Variants in PPP1R9A observed in about 807,000 individuals in gnomAD.
PPP1R9A encodes protein phosphatase 1 regulatory subunit 9A, also known as neurabin-1.
A neutral mutation model predicts 141.9 loss-of-function variants in PPP1R9A; 59 were observed. That is an observed-to-expected ratio of 0.42 (90% CI 0.34 to 0.52). The LOEUF (loss-of-function observed/expected upper bound fraction) is 0.52. PPP1R9A is among the 20% of genes least tolerant of loss of function. The probability of loss-of-function intolerance (pLI) is 0.10; values close to 1 mark genes in which losing one functional copy is unlikely to be tolerated. For missense variants in PPP1R9A, 1,444 were observed against 1,611.9 expected, an observed-to-expected ratio of 0.90 and a Z score of 1.78; for synonymous variants, 500 against 569.7, an observed-to-expected ratio of 0.88 and a Z score of 1.74.
chr7:95,123,660 A>G (rs1823034630), intron 4 of PPP1R9A, among the ~76,000 whole-genome samples: 1 of 152,120 alleles, frequency 6.6e-6, no homozygotes, highest in South Asian at 2.1e-4. Context: ...AAAACAAAAA[A>G]CAAAAAAAAA....
intron 2 of PPP1R9A, among the ~76,000 whole-genome samples, chr7:95,052,408 G>A (rs574011891): frequency 6.6e-6 from 1 of 152,282 alleles, no homozygotes; most frequent in South Asian, 2.1e-4. Flanking sequence ...TAGTTAGAAG[G>A]TGGCAGGAAT....
At chr7:95,225,133 G>A (rs1794965918) in intron 7 of PPP1R9A, among the ~76,000 whole-genome samples, 1 of 151,962 alleles carries the variant, frequency 6.6e-6, no homozygotes, top group Admixed American at 6.6e-5. Flanking sequence ...GGGACAGGTG[G>A]GTATTACAAA....
intron 7 of PPP1R9A, among the ~76,000 whole-genome samples, chr7:95,223,569 C>T (rs1794742634): frequency 6.6e-6 from 1 of 151,996 alleles, no homozygotes; most frequent in Non-Finnish European, 1.5e-5. Context: ...TGTCAGGTCC[C>T]ATCCTAGGCA....
chr7:94,912,685 G>T (rs1791599565), intron 2 of PPP1R9A, among the ~76,000 whole-genome samples: 1 of 152,060 alleles, frequency 6.6e-6, no homozygotes, highest in East Asian at 1.9e-4. Flanking sequence ...ATACTATTCT[G>T]AAATAAAGTA....
intron 12 of PPP1R9A, among the ~76,000 whole-genome samples, chr7:95,256,226 T>C (rs1352782566): frequency 6.7e-6 from 1 of 149,892 alleles, no homozygotes; most frequent in Non-Finnish European, 1.5e-5. Flanking sequence ...AGCTATTAAA[T>C]ATCCTGTTAA....
At chr7:95,164,788 A>G (rs1291294300) in intron 5 of PPP1R9A, among the ~76,000 whole-genome samples, 3 of 74,286 alleles carry the variant, frequency 4.0e-5, no homozygotes, top group African/African-American at 5.5e-5. Flanking sequence ...TAACTGTTCC[A>G]TGCTTTATTC....
At chr7:95,190,005 C>CT (rs539203693) in intron 5 of PPP1R9A, among the ~76,000 whole-genome samples, 82 of 152,244 alleles carry the variant, frequency 5.4e-4, no homozygotes, top group African/African-American at 1.8e-3. Context: ...CTGGTATCTA[C>CT]TTGAGTAGTT....
At chr7:95,005,709 G>A (rs1803498353) in intron 2 of PPP1R9A, among the ~76,000 whole-genome samples, 2 of 152,138 alleles carry the variant, frequency 1.3e-5, no homozygotes, top group African/African-American at 4.8e-5. Flanking sequence ...TGCCAAGAAA[G>A]TTAATAAAGC....
intron 2 of PPP1R9A, among the ~76,000 whole-genome samples, chr7:94,962,009 TTAG>T (rs1458945835): frequency 2.0e-5 from 3 of 151,946 alleles, no homozygotes; most frequent in Non-Finnish European, 4.4e-5. Flanking sequence ...GATAGAAACT[TTAG>T]AGTCAAATGA....
intron 9 of PPP1R9A, among the ~76,000 whole-genome samples, chr7:95,248,277 C>T (rs1798416294): frequency 6.6e-6 from 1 of 150,404 alleles, no homozygotes; most frequent in Non-Finnish European, 1.5e-5. Context: ...CTCCCCCGCC[C>T]CCAATCACCA....
At chr7:95,186,055 T>C (rs1834602247) in intron 5 of PPP1R9A, among the ~76,000 whole-genome samples, 1 of 152,056 alleles carries the variant, frequency 6.6e-6, no homozygotes, top group African/African-American at 2.4e-5. Flanking sequence ...TTTCTAGTTC[T>C]GTGAAGAATG....
chr7:95,101,001 C>A (rs1292172195), intron 2 of PPP1R9A, among the ~76,000 whole-genome samples: 1 of 150,870 alleles, frequency 6.6e-6, no homozygotes, highest in Non-Finnish European at 1.5e-5. Context: ...TACAGGCGCC[C>A]GCTACCACGC....
chr7:95,227,217 C>T (rs1795262024), intron 8 of PPP1R9A, among the ~76,000 whole-genome samples: 1 of 152,152 alleles, frequency 6.6e-6, no homozygotes, highest in African/African-American at 2.4e-5. Flanking sequence ...CACAACCCAA[C>T]TTTAACAAAT....
At chr7:95,199,716 A>G (rs1281372488) in intron 6 of PPP1R9A, among the ~76,000 whole-genome samples, 2 of 152,236 alleles carry the variant, frequency 1.3e-5, no homozygotes, top group Non-Finnish European at 2.9e-5. Flanking sequence ...AATGGCAAGT[A>G]TATTTTCATT....
At chr7:95,083,294 C>T (rs1816177437) in intron 2 of PPP1R9A, among the ~76,000 whole-genome samples, 1 of 151,862 alleles carries the variant, frequency 6.6e-6, no homozygotes, top group African/African-American at 2.4e-5. Flanking sequence ...TTGGCAATGT[C>T]TGTTTTTTCA....
At chr7:95,014,267 A>G (rs992976606) in intron 2 of PPP1R9A, among the ~76,000 whole-genome samples, 2 of 152,062 alleles carry the variant, frequency 1.3e-5, no homozygotes, top group African/African-American at 2.4e-5. Context: ...TTACATTTAG[A>G]CATCATGTCT....
intron 2 of PPP1R9A, among the ~76,000 whole-genome samples, chr7:95,092,467 G>T (rs13247434): frequency 3.6e-3 from 546 of 152,088 alleles, no homozygotes; most frequent in Middle Eastern, 0.014. Flanking sequence ...CAGCAGGGTG[G>T]ACCAGACAGT....
At chr7:95,028,747 A>G (rs1001184370) in intron 2 of PPP1R9A, among the ~76,000 whole-genome samples, 2 of 152,182 alleles carry the variant, frequency 1.3e-5, no homozygotes, top group African/African-American at 4.8e-5. Context: ...AATACATACA[A>G]ACAAATTCCA....
In PPP1R9A at chr7:94,994,890, C is replaced by CA. The variant is rs983297315; in HGVS notation, c.1395+83394dup. 7.1e-3 allele frequency among the ~76,000 whole-genome samples: 764 copies of CA among 107,392 alleles called. 20 individuals carry two copies. The highest frequency in any genetic ancestry group is 0.043 in the East Asian group (167 of 3,908). 70.5% of individuals were successfully genotyped at this position (107,392 alleles called of 152,430 possible). A position where few individuals can be genotyped will look rare whatever the true frequency, so the allele number is the denominator to read the frequency against. ...CTGGTGACCAAACGAGACTCCGTCT[C>CA]AAAAAAAAAAAACACAAAAAACCCA... On this transcript the variant is annotated intron_variant, in intron 2 of 19. Coordinates refer to ENST00000433360, the MANE Select transcript of PPP1R9A (RefSeq NM_001166160.2).
Sources: allele counts gnomAD v4.1 joint callset (sites outside exome capture counted in the v4.1 genomes callset), GRCh38; gene constraint gnomAD v4.1.1; transcripts MANE v1.5; gene names NCBI Gene and HGNC (gene_info 2026-07-23, HGNC 2026-07-21).